The following ZNF100 variants were observed in gnomAD, a reference collection of about 807,000 sequenced individuals.
ZNF100 encodes the protein zinc finger protein 100.
A neutral mutation model predicts 15.8 loss-of-function variants in ZNF100; 12 were observed. The ratio of observed to expected loss-of-function variants is 0.76; its 90% confidence interval spans 0.49 to 1.23. The LOEUF (loss-of-function observed/expected upper bound fraction) is 1.23. Ranked by LOEUF, ZNF100 falls within the 50% of genes most tolerant of loss-of-function variation. The pLI is 0.00. For synonymous variants in ZNF100, 226 were observed against 214.8 expected (o/e 1.05, Z -0.45); for missense variants, 670 against 635.6 (o/e 1.05, Z -0.58).
Position 21,727,569 on chromosome 19 carries a change from A to C in ZNF100, c.743T>G (p.Leu248Arg), listed in dbSNP as rs1055671075. The part of the protein sequence containing the change: ...CGKAFNWFST[L>R]TTHRRIHTGE... ...AGTATGAATTCTCCTGTGTGTAGTA[A>C]GGGTTGAGAACCAGTTGAAGGCTTT... Residue 248 changes from leucine to arginine, a missense_variant, in exon 5 of 5, where the codon CTT (leucine) becomes CGT (arginine). By Grantham distance (102) the Leu-to-Arg change is moderately radical. Coordinates refer to ENST00000358296, the MANE Select transcript of ZNF100 (RefSeq NM_173531.4). 11 of 1,613,736 alleles carry C rather than the reference A, an allele frequency of 6.8e-6. No individual in the cohort carries two copies. Among genetic ancestry groups the C allele is most frequent in the Admixed American group, 5.0e-5 (3 of 59,992 alleles).
chr19:21,741,055 T>C (rs539123554), intron 4 of ZNF100, among the ~76,000 whole-genome samples: 4 of 152,158 alleles, frequency 2.6e-5, no homozygotes, highest in South Asian at 2.1e-4. Context: ...ATGTAACATA[T>C]ACATAAAATG....
At chr19:21,751,193 C>T in intron 2 of ZNF100, 1 of 1,317,436 alleles carries the variant, frequency 7.6e-7, no homozygotes, top group South Asian at 1.2e-5. Context: ...GGGCAGCTTA[C>T]TAAAAAGTAT....
intron 2 of ZNF100, among the ~76,000 whole-genome samples, chr19:21,762,634 T>C (rs1357804738): frequency 6.6e-6 from 1 of 152,186 alleles, no homozygotes; most frequent in Non-Finnish European, 1.5e-5. Context: ...CTATTCAGCA[T>C]GAAGTAGTAA....
intron 2 of ZNF100, among the ~76,000 whole-genome samples, chr19:21,763,516 G>C (rs1318310434): frequency 6.6e-6 from 1 of 152,124 alleles, no homozygotes; most frequent in Non-Finnish European, 1.5e-5. Flanking sequence ...CTTGAACCTG[G>C]GAGGCAGAGG....
intron 4 of ZNF100, among the ~76,000 whole-genome samples, chr19:21,741,742 T>C (rs4130935): frequency 0.079 from 11,973 of 152,066 alleles, 545 homozygotes; most frequent in Middle Eastern, 0.15. Context: ...GTGGCACAAT[T>C]ATGGCTCACT....
At chr19:21,736,750 C>T (rs1413679986) in intron 4 of ZNF100, among the ~76,000 whole-genome samples, 2 of 152,164 alleles carry the variant, frequency 1.3e-5, no homozygotes, top group Non-Finnish European at 2.9e-5. Flanking sequence ...TCACTCAAAA[C>T]CACACAACTG....
intron 2 of ZNF100, chr19:21,751,673 G>A (rs1333661428): frequency 3.1e-6 from 4 of 1,295,374 alleles, no homozygotes; most frequent in African/African-American, 3.0e-5. Flanking sequence ...GCATTTTTCG[G>A]AGCTTCTTCA....
At chr19:21,748,847 G>C (rs990707281) in intron 2 of ZNF100, among the ~76,000 whole-genome samples, 1 of 152,162 alleles carries the variant, frequency 6.6e-6, no homozygotes, top group African/African-American at 2.4e-5. Context: ...TGGAATTACA[G>C]GCATGCACCA....
At position 21,725,529 on chromosome 19, in the gene ZNF100, G is replaced by C. The variant is rs534987374; in HGVS notation, c.*1154C>G. On this transcript the variant is annotated 3_prime_UTR_variant, in exon 5 of 5. Coordinates refer to ENST00000358296, the MANE Select transcript of ZNF100 (RefSeq NM_173531.4). ...ATTTTAATGTCTTTTTCATAGCAAA[G>C]TTTATAAATAATGCTCACCTAATAA... is the stretch of plus-strand genomic sequence containing the variant. The C allele has an allele frequency of 9.2e-5, 14 of 151,972 alleles. No homozygotes were observed. The highest frequency in any genetic ancestry group is 3.4e-4 in the African/African-American group (14 of 41,370). The allele number at this position is 151,972 out of a possible 1,614,324, so 9.4% of individuals were successfully genotyped here. A position where few individuals can be genotyped will look rare whatever the true frequency, so the allele number is the denominator to read the frequency against.
At chr19:21,754,685 A>AT (rs1378976741) in intron 2 of ZNF100, among the ~76,000 whole-genome samples, 1 of 152,228 alleles carries the variant, frequency 6.6e-6, no homozygotes, top group Non-Finnish European at 1.5e-5. Flanking sequence ...ATGTTTAACC[A>AT]TAAAAACCCT....
At chr19:21,750,709 A>G (rs1164650006) in intron 2 of ZNF100, 5 of 279,338 alleles carry the variant, frequency 1.8e-5, no homozygotes, top group Admixed American at 1.0e-4. Context: ...TGGGCGGGTG[A>G]ACTGCCAGCG....
intron 4 of ZNF100, among the ~76,000 whole-genome samples, chr19:21,730,178 T>C (rs1034725165): frequency 6.6e-6 from 1 of 152,046 alleles, no homozygotes; most frequent in African/African-American, 2.4e-5. Context: ...TAGAGACTTA[T>C]TTAAATATTT....
chr19:21,732,730 C>G (rs1168584828), intron 4 of ZNF100, among the ~76,000 whole-genome samples: 1 of 151,398 alleles, frequency 6.6e-6, no homozygotes, highest in African/African-American at 2.4e-5. Context: ...TCAAATGAAT[C>G]TTAGAAGAAT....
intron 4 of ZNF100, among the ~76,000 whole-genome samples, chr19:21,735,425 C>T (rs915164658): frequency 1.4e-5 from 2 of 144,506 alleles, no homozygotes; most frequent in South Asian, 2.3e-4. Flanking sequence ...ACCCCGGAGG[C>T]GGAGCTGGAA....
chr19:21,756,507 C>CAA (rs2036395536), intron 2 of ZNF100, among the ~76,000 whole-genome samples: 2 of 151,726 alleles, frequency 1.3e-5, no homozygotes, highest in Non-Finnish European at 1.5e-5. Context: ...CACACACACA[C>CAA]AAATATCGAG....
intron 4 of ZNF100, among the ~76,000 whole-genome samples, chr19:21,731,438 A>G (rs2145690744): frequency 6.6e-6 from 1 of 151,824 alleles, no homozygotes; most frequent in East Asian, 1.9e-4. Flanking sequence ...CCTCCTGAGT[A>G]GCTGGGACTA....
chr19:21,746,117 C>T (rs1348587578), intron 2 of ZNF100, among the ~76,000 whole-genome samples: 3 of 152,134 alleles, frequency 2.0e-5, no homozygotes, highest in African/African-American at 7.2e-5. Flanking sequence ...AGCTTTTTAA[C>T]CAAGTAAATT....
chr19:21,765,937 T>G lies in ZNF100; in HGVS notation c.4-151A>C. 4.4e-6 allele frequency: 3 copies of G among 675,598 alleles called. No homozygotes were observed. The South Asian group carries it at 6.2e-5, about 14-fold the overall frequency. 41.9% of individuals were successfully genotyped at this position (675,598 alleles called of 1,614,324 possible). A position where few individuals can be genotyped will look rare whatever the true frequency, so the allele number is the denominator to read the frequency against. On this transcript the variant is annotated intron_variant, in intron 1 of 4. Transcript: ENST00000358296. ...GCTGAGGACACATCACCCCATAGAT[T>G]TTTCCAAATCAAAACCTTGACCCAA...
chr19:21,748,413 G>T (rs1350258335), intron 2 of ZNF100, among the ~76,000 whole-genome samples: 4 of 152,116 alleles, frequency 2.6e-5, no homozygotes, highest in African/African-American at 9.7e-5. Flanking sequence ...TGCCACTGGA[G>T]TATTTCCAGT....
Sources: gnomAD v4.1 joint callset for allele counts (sites outside exome capture counted in the v4.1 genomes callset) on GRCh38, gnomAD v4.1.1 for gene constraint, MANE v1.5 for transcripts, NCBI Gene and HGNC (gene_info 2026-07-23, HGNC 2026-07-21) for gene names.